The following CDH12 variants were observed in gnomAD, a reference collection of about 807,000 sequenced individuals.
CDH12 encodes cadherin-12.
Under a neutral mutation model 74.1 loss-of-function variants are expected in CDH12, and 41 were observed. That is an observed-to-expected ratio of 0.55 (90% CI 0.43 to 0.72). The LOEUF (loss-of-function observed/expected upper bound fraction) is 0.72, where lower values mean the gene tolerates loss of function less well. Among genes scored for constraint, CDH12 ranks in the 30% least tolerant of loss-of-function variants. CDH12 has a pLI of 0.00. For missense variants in CDH12, 945 were observed against 977.2 expected, an observed-to-expected ratio of 0.97 and a Z score of 0.44; for synonymous variants, 399 against 355.0, an observed-to-expected ratio of 1.12 and a Z score of -1.39.
chr5:21,906,197 AT>A (rs1430150233), intron 6 of CDH12, among the ~76,000 whole-genome samples: 1 of 152,158 alleles, frequency 6.6e-6, no homozygotes, highest in Non-Finnish European at 1.5e-5. Flanking sequence ...GAAATAGGAT[AT>A]TTTCCAAATG....
chr5:22,396,293 G>T (rs902745085), intron 3 of CDH12, among the ~76,000 whole-genome samples: 2 of 152,066 alleles, frequency 1.3e-5, no homozygotes, highest in African/African-American at 4.8e-5. Context: ...AGGGCACTGA[G>T]GACTATAAAA....
chr5:22,778,421 G>C (rs745374962), intron 1 of CDH12, among the ~76,000 whole-genome samples: 19 of 152,134 alleles, frequency 1.2e-4, no homozygotes, highest in Non-Finnish European at 2.5e-4. Context: ...GGAAAGAGCT[G>C]AGACAATTCT....
Position 21,802,394 on chromosome 5 carries a change from T to C in CDH12, c.1029A>G (p.Ala343=), listed in dbSNP as rs1190554635. The C allele has an allele frequency of 1.2e-6, 2 of 1,613,644 alleles. No individual in the cohort carries two copies. The highest frequency in any genetic ancestry group is 1.7e-6 in the Non-Finnish European group (2 of 1,179,776). ...KKPLDFETKK[A]YTFKVEASNL... is the part of the protein sequence containing the mutation. The stretch of plus-strand genomic sequence containing the variant: ...TGGAAGCCTCAACTTTGAAAGTGTA[T>C]GCCTTCTTTGTTTCAAAATCTAAAG... Residue 343 remains alanine (A), a synonymous_variant, in exon 10 of 15, where the codon GCA becomes GCG. Transcript: ENST00000382254.
At chr5:22,651,937 C>T (rs987605002) in intron 1 of CDH12, among the ~76,000 whole-genome samples, 1 of 152,002 alleles carries the variant, frequency 6.6e-6, no homozygotes, top group African/African-American at 2.4e-5. Context: ...CCCCCTCGGA[C>T]ACTGAAGCAT....
intron 3 of CDH12, among the ~76,000 whole-genome samples, chr5:22,390,575 G>A (rs201135353): frequency 6.7e-6 from 1 of 148,158 alleles, no homozygotes; most frequent in African/African-American, 2.5e-5. Flanking sequence ...GATGGATGGA[G>A]AGATAGATAG....
In CDH12 at chr5:22,661,647, C is replaced by T. The variant is rs1211688119; in HGVS notation, c.-522-156283G>A. ...AATAATCCTGAAAGATTTTGCTTTA[C>T]ATATGCCCTAGTCATCAATTTAAGA... On this transcript the variant is annotated intron_variant, in intron 1 of 14. Transcript: ENST00000382254. Among the ~76,000 whole-genome samples, 6 of 152,098 alleles carry T rather than the reference C, an allele frequency of 3.9e-5. No individual in the cohort carries two copies. The South Asian group carries it at 6.2e-4, about 16-fold the overall frequency.
chr5:21,962,734 ATC>A (rs1195918000), intron 6 of CDH12, among the ~76,000 whole-genome samples: 1 of 152,028 alleles, frequency 6.6e-6, no homozygotes, highest in African/African-American at 2.4e-5. Context: ...GTTAAGGAAA[ATC>A]TCTTTCATTT....
At chr5:22,543,458 T>A (rs1738188808) in intron 1 of CDH12, among the ~76,000 whole-genome samples, 1 of 152,188 alleles carries the variant, frequency 6.6e-6, no homozygotes, top group Non-Finnish European at 1.5e-5. Flanking sequence ...AAATATCATT[T>A]ACTCTAATAG....
At chr5:22,743,638 C>T (rs1745146175) in intron 1 of CDH12, among the ~76,000 whole-genome samples, 1 of 151,956 alleles carries the variant, frequency 6.6e-6, no homozygotes, top group Non-Finnish European at 1.5e-5. Context: ...ACTTATAGTT[C>T]CCAGGAGTTA....
intron 4 of CDH12, among the ~76,000 whole-genome samples, chr5:22,206,679 CAA>C (rs71609754): frequency 5.4e-5 from 3 of 55,284 alleles, no homozygotes; most frequent in East Asian, 7.0e-4. Context: ...GATTCCACTG[CAA>C]AAAAAAAAAA....
At chr5:22,479,068 G>T (rs1215927851) in intron 2 of CDH12, among the ~76,000 whole-genome samples, 1 of 152,178 alleles carries the variant, frequency 6.6e-6, no homozygotes, top group African/African-American at 2.4e-5. Flanking sequence ...AAAAGCAACG[G>T]TTTGCAATAG....
chr5:21,752,389 C>T (rs1579634357), intron 14 of CDH12, among the ~76,000 whole-genome samples, 153 bp from the exon 15 acceptor site: 2 of 152,226 alleles, frequency 1.3e-5, no homozygotes, highest in East Asian at 3.9e-4. Context: ...TAGGATCATA[C>T]ATATGTTTAA....
At chr5:22,822,625 T>A (rs891360637) in intron 1 of CDH12, among the ~76,000 whole-genome samples, 1 of 151,978 alleles carries the variant, frequency 6.6e-6, no homozygotes, top group African/African-American at 2.4e-5. Context: ...AAAAAACACA[T>A]GAAAAAATGC....
chr5:22,390,625 A>G (rs563113365), intron 3 of CDH12, among the ~76,000 whole-genome samples: 2 of 142,952 alleles, frequency 1.4e-5, no homozygotes, highest in East Asian at 2.1e-4. Context: ...TAGATAGATG[A>G]TAGAATATTT....
At chr5:22,078,014 A>T (rs1483318687) in intron 5 of CDH12, among the ~76,000 whole-genome samples, 5 of 152,146 alleles carry the variant, frequency 3.3e-5, no homozygotes, top group African/African-American at 1.2e-4. Context: ...AAGAACACCA[A>T]GATCAGTTTA....
At chr5:22,778,814 G>A (rs1185329805) in intron 1 of CDH12, among the ~76,000 whole-genome samples, 1 of 151,850 alleles carries the variant, frequency 6.6e-6, no homozygotes, top group Non-Finnish European at 1.5e-5. Flanking sequence ...AAAAACTAAA[G>A]TCCTTAAGAG....
chr5:22,557,460 T>C (rs537491687), intron 1 of CDH12, among the ~76,000 whole-genome samples: 8 of 152,144 alleles, frequency 5.3e-5, no homozygotes, highest in Non-Finnish European at 8.8e-5. Flanking sequence ...GGGAAAGGCA[T>C]TGCCAGCAAT....
chr5:22,041,594 T>C (rs1739577329), intron 5 of CDH12, among the ~76,000 whole-genome samples: 1 of 152,096 alleles, frequency 6.6e-6, no homozygotes, highest in African/African-American at 2.4e-5. Flanking sequence ...TAATAATAAA[T>C]GGCACAACTT....
intron 3 of CDH12, among the ~76,000 whole-genome samples, chr5:22,288,262 A>G (rs1278371935): frequency 6.6e-6 from 1 of 152,164 alleles, no homozygotes; most frequent in East Asian, 1.9e-4. Context: ...AAAAATATAC[A>G]CTTATTGGAG....
Sources: allele counts gnomAD v4.1 joint callset (sites outside exome capture counted in the v4.1 genomes callset), GRCh38; gene constraint gnomAD v4.1.1; transcripts MANE v1.5; gene names NCBI Gene and HGNC (gene_info 2026-07-23, HGNC 2026-07-21).